Variants in CES4A observed in about 807,000 individuals in gnomAD.
CES4A encodes the protein carboxylesterase 6.
In CES4A, 48 loss-of-function variants were observed where a neutral mutation model predicts 65.4. The observed-to-expected ratio is 0.73, with a 90% CI of 0.58 to 0.93. CES4A has a LOEUF of 0.93. Ranked by LOEUF, CES4A falls within the 40% of genes least tolerant of loss-of-function variation. The pLI, the probability that CES4A is intolerant of heterozygous loss-of-function variation, is 0.00. For missense variants in CES4A, 685 were observed against 728.5 expected (o/e 0.94, Z 0.69); for synonymous variants, 247 against 281.8 (o/e 0.88, Z 1.24).
intron 2 of CES4A, among the ~76,000 whole-genome samples, chr16:66,998,810 A>G (rs1965063569): frequency 6.6e-6 from 1 of 152,122 alleles, no homozygotes; most frequent in African/African-American, 2.4e-5. Context: ...GCAGTCAGCC[A>G]AGATGGTGCC....
intron 1 of CES4A, among the ~76,000 whole-genome samples, chr16:66,993,328 G>A (rs1263860917): frequency 6.6e-6 from 1 of 152,132 alleles, no homozygotes; most frequent in Non-Finnish European, 1.5e-5. Context: ...TTCTGTTTCT[G>A]CATGTTTCTT....
intron 1 of CES4A, 74 bp from the exon 2 acceptor site, chr16:66,995,554 T>C: frequency 7.6e-7 from 1 of 1,321,008 alleles, no homozygotes; most frequent in South Asian, 1.2e-5. Flanking sequence ...CATTTGTGGC[T>C]GAGTGGCTGA....
chr16:67,005,095 A>T, intron 10 of CES4A, 145 bp from the exon 11 acceptor site: 1 of 881,882 alleles, frequency 1.1e-6, no homozygotes, highest in Non-Finnish European at 1.8e-6. Flanking sequence ...ATCAGCAGAG[A>T]CAGAAACTTT....
At position 67,000,477 on chromosome 16, in the gene CES4A, G is replaced by C; in HGVS notation, c.261-161G>C. On this transcript the variant is annotated intron_variant, in intron 2 of 13. Coordinates refer to ENST00000648724, the Ensembl canonical transcript of CES4A. This position sits in a 1 kb window ranked among gnomAD's most constrained non-coding sequence, Gnocchi z 4.2. ...CCTGCCTCCCAGTCCTGGGCCCCGG[G>C]GCTGGCGGAGGCCTCCTGTACACGC... The C allele has an allele frequency of 7.0e-7, 1 of 1,423,304 alleles. No individual in the cohort carries two copies. The highest frequency in any genetic ancestry group is 9.2e-7 in the Non-Finnish European group (1 of 1,092,122). 88.2% of individuals were successfully genotyped at this position (1,423,304 alleles called of 1,614,324 possible).
At chr16:67,009,146 T>C (rs1164928775) in exon 14 of CES4A, 8 of 1,611,294 alleles carry the variant, frequency 5.0e-6, no homozygotes, top group African/African-American at 2.7e-5. Context: ...ATTCTAAGGG[T>C]GGCTATGCAG....
At chr16:66,991,995 G>T (rs1314706049) in intron 1 of CES4A, among the ~76,000 whole-genome samples, 1 of 152,186 alleles carries the variant, frequency 6.6e-6, no homozygotes, top group Non-Finnish European at 1.5e-5. Flanking sequence ...AATTTAAAGT[G>T]TTTGGCAGAG....
intron 10 of CES4A, 141 bp downstream of exon 10, chr16:67,005,014 A>C (rs567838725): frequency 1.3e-6 from 1 of 773,788 alleles, no homozygotes; most frequent in Admixed American, 2.4e-5. Context: ...TTGCTGTGGG[A>C]TCAGATGACT....
At chr16:67,004,272 C>G in intron 9 of CES4A, 48 bp downstream of exon 9, 1 of 1,603,388 alleles carries the variant, frequency 6.2e-7, no homozygotes, top group Non-Finnish European at 8.5e-7. Flanking sequence ...TAAGTGAGTA[C>G]CATAGTGGAG....
intron 1 of CES4A, among the ~76,000 whole-genome samples, chr16:66,992,792 C>G (rs768747303): frequency 4.6e-5 from 7 of 152,204 alleles, no homozygotes; most frequent in Admixed American, 2.0e-4. Context: ...ATTCTCCTAC[C>G]TCAGCCTCCT....
At chr16:66,992,470 G>A (rs1465242373) in intron 1 of CES4A, among the ~76,000 whole-genome samples, 1 of 152,132 alleles carries the variant, frequency 6.6e-6, no homozygotes, top group Non-Finnish European at 1.5e-5. Flanking sequence ...CAAAATCTGG[G>A]GAGGTTTGCA....
chr16:67,004,011 G>A (rs1028534692), intron 8 of CES4A, 73 bp from the exon 9 acceptor site: 18 of 1,532,080 alleles, frequency 1.2e-5, no homozygotes, highest in Non-Finnish European at 1.6e-5. Context: ...AGCCTCTGAA[G>A]GGGCACCCAA....
chr16:67,003,407 C>T lies in CES4A; in HGVS notation c.900+47C>T, dbSNP rs754434711. 6.3e-7 allele frequency: 1 copy of T among 1,597,354 alleles called. No homozygotes were observed. Among genetic ancestry groups the T allele is most frequent in the Non-Finnish European group, 8.6e-7 (1 of 1,165,056 alleles). ...CCTGACCTGGCTGCCTGAGGGCCAT[C>T]CTCCTATCCTGGTACCCAGCCACCC... On this transcript the variant is annotated intron_variant, in intron 7 of 13. Transcript: ENST00000648724. This position sits in a 1 kb window ranked among gnomAD's most constrained non-coding sequence, Gnocchi z 4.2.
At chr16:66,998,864 C>CA (rs1053466447) in intron 2 of CES4A, among the ~76,000 whole-genome samples, 521 of 127,140 alleles carry the variant, frequency 4.1e-3, no homozygotes, top group Middle Eastern at 7.9e-3. Context: ...CCATCTCAAA[C>CA]AAAAAAAAAA....
At chr16:66,995,923 G>C (rs1199189959) in intron 2 of CES4A, 94 bp downstream of exon 2, 5 of 1,246,688 alleles carry the variant, frequency 4.0e-6, no homozygotes, top group Non-Finnish European at 5.8e-6. Flanking sequence ...AGAACTCACT[G>C]TGTGATCACA....
In CES4A at chr16:67,000,497, ACACGCACACGCACGCACATGCG is replaced by A. The variant is rs929432815; in HGVS notation, c.261-125_261-104del. On this transcript the variant is annotated intron_variant, in intron 2 of 13. Coordinates refer to ENST00000648724, the Ensembl canonical transcript of CES4A. The surrounding 1 kb of genome is among the most constrained non-coding windows in gnomAD (Gnocchi z 4.2). ...CCCGGGGCTGGCGGAGGCCTCCTGTACACGCACACGCACGCACATGCGCACGCACACGCACGCGCACAGACGC... is the reference window on the plus strand; with the variant it reads ...CCCGGGGCTGGCGGAGGCCTCCTGTACACGCACACGCACGCGCACAGACGC... The A allele has an allele frequency of 7.5e-4, 1,083 of 1,438,556 alleles. 7 individuals carry two copies. In the East Asian group the frequency reaches 9.4e-3, roughly 13 times the overall value. The allele number at this position is 1,438,556 out of a possible 1,614,324, so 89.1% of individuals were successfully genotyped here.
intron 1 of CES4A, among the ~76,000 whole-genome samples, chr16:66,993,273 A>C (rs759147698): frequency 2.0e-5 from 3 of 152,164 alleles, no homozygotes; most frequent in Non-Finnish European, 2.9e-5. Context: ...GTACAACTGC[A>C]CTTGTACGCA....
Position 67,005,399 on chromosome 16 carries a change from C to G in CES4A, c.1315+6C>G. On this transcript the variant is annotated splice_donor_region_variant and intron_variant, in intron 11 of 13. Coordinates refer to ENST00000648724, the Ensembl canonical transcript of CES4A. ...GACTGCTCACTACCACCGAGGTATG[C>G]AGGGTCCCCAAGAGTGGCCACACTG... is the stretch of plus-strand genomic sequence containing the variant. 1 of 1,612,994 alleles carries G rather than the reference C, an allele frequency of 6.2e-7. No individual in the cohort carries two copies. The highest frequency in any genetic ancestry group is 8.5e-7 in the Non-Finnish European group (1 of 1,179,524).
rs751170926 is a variant in CES4A at position 66,995,687 on chromosome 16, C to G, written c.118C>G (p.Gln40Glu). 15 of 1,614,246 alleles carry G rather than the reference C, an allele frequency of 9.3e-6. No homozygotes were observed. In the Middle Eastern group the frequency reaches 8.2e-4, roughly 89 times the overall value. ...CAAATATGGAACCCTGCAAGGAAAA[C>G]AGATGCATGTGGGGAAGACACCCAT... The change falls in exon 2 of 14, where the codon CAG becomes GAG. Residue 40 changes from glutamine to glutamate, a missense_variant. By Grantham distance (29) the Gln-to-Glu change is conservative. Coordinates refer to ENST00000648724, the Ensembl canonical transcript of CES4A.
chr16:67,007,797 T>G (rs577080748), intron 13 of CES4A: 1 of 150,864 alleles, frequency 6.6e-6, no homozygotes, highest in Non-Finnish European at 1.5e-5. Context: ...ATTTTTTTTT[T>G]TTTTTGAGAC....
Sources: allele counts gnomAD v4.1 joint callset (sites outside exome capture counted in the v4.1 genomes callset), GRCh38; gene constraint gnomAD v4.1.1; non-coding constraint Gnocchi (gnomAD v3.1); transcripts MANE v1.5; gene names NCBI Gene and HGNC (gene_info 2026-07-23, HGNC 2026-07-21).